Variants in GPHN observed in about 807,000 individuals in gnomAD.
GPHN encodes gephyrin.
Under a neutral mutation model 95.5 loss-of-function variants are expected in GPHN, and 17 were observed. The observed-to-expected ratio is 0.18, with a 90% CI of 0.12 to 0.27. GPHN has a LOEUF of 0.27. Ranked by LOEUF, GPHN falls within the 10% of genes least tolerant of loss-of-function variation. GPHN has a pLI of 1.00. For synonymous variants in GPHN, 320 were observed against 322.5 expected, an observed-to-expected ratio of 0.99 and a Z score of 0.08; for missense variants, 660 against 978.1, an observed-to-expected ratio of 0.67 and a Z score of 4.34.
At chr14:67,157,496 G>A (rs2081664889) in intron 18 of GPHN, among the ~76,000 whole-genome samples, 1 of 152,076 alleles carries the variant, frequency 6.6e-6, no homozygotes, top group South Asian at 2.1e-4. Flanking sequence ...AGTATTCAAG[G>A]CAGAAAAAAG....
chr14:67,554,355 G>T, the GPHN span, among the ~76,000 whole-genome samples: 1 of 152,340 alleles, frequency 6.6e-6, no homozygotes, highest in South Asian at 2.1e-4. Flanking sequence ...AAGGGAGAAG[G>T]TTGAGTAGCC....
intron 2 of GPHN, among the ~76,000 whole-genome samples, chr14:66,687,003 G>A (rs2067412494): frequency 6.6e-6 from 1 of 152,172 alleles, no homozygotes; most frequent in South Asian, 2.1e-4. Flanking sequence ...CATCTATTGA[G>A]ATGATCATGT....
At chr14:66,559,259 T>G (rs1027061350) in intron 1 of GPHN, among the ~76,000 whole-genome samples, 1 of 151,706 alleles carries the variant, frequency 6.6e-6, no homozygotes, top group African/African-American at 2.4e-5. Context: ...TACCCAGTAA[T>G]GGGATGGCTG....
the GPHN span, chr14:67,388,154 G>A: frequency 2.1e-6 from 2 of 947,982 alleles, no homozygotes; most frequent in South Asian, 1.3e-5. Context: ...CATTTCATTA[G>A]TGGGACATTA....
At chr14:67,687,390 C>T in the GPHN span, among the ~76,000 whole-genome samples, 13 of 149,248 alleles carry the variant, frequency 8.7e-5, no homozygotes, top group African/African-American at 2.4e-4. Context: ...TGGTAACCTT[C>T]GCTGTTTCTC....
intron 8 of GPHN, among the ~76,000 whole-genome samples, chr14:66,932,466 T>TTG (rs1567118622): frequency 7.4e-6 from 1 of 134,338 alleles, no homozygotes; most frequent in Non-Finnish European, 1.6e-5. Flanking sequence ...TTTTTTTTTT[T>TTG]TTTTTTTTTT....
the GPHN span, among the ~76,000 whole-genome samples, chr14:67,697,046 AT>A: frequency 2.6e-5 from 4 of 152,078 alleles, no homozygotes; most frequent in African/African-American, 9.7e-5. Context: ...AAAGCCTTTC[AT>A]TTGTTTTGTT....
At chr14:67,481,905 C>A in the GPHN span, among the ~76,000 whole-genome samples, 2 of 152,158 alleles carry the variant, frequency 1.3e-5, no homozygotes, top group Admixed American at 1.3e-4. Context: ...AGACCTGTGA[C>A]ATGAAGATAG....
intron 9 of GPHN, among the ~76,000 whole-genome samples, chr14:66,971,106 A>G (rs1232023156): frequency 2.0e-5 from 3 of 152,222 alleles, no homozygotes; most frequent in African/African-American, 7.2e-5. Context: ...AGGCAGGTGG[A>G]TCATCTGAGG....
At chr14:67,145,604 C>A (rs1040955559) in intron 18 of GPHN, among the ~76,000 whole-genome samples, 1 of 152,072 alleles carries the variant, frequency 6.6e-6, no homozygotes, top group South Asian at 2.1e-4. Context: ...GATAGAGGAA[C>A]CAGGAAGAAA....
chr14:67,166,730 C>T lies in GPHN; in HGVS notation c.1975+1504C>T, dbSNP rs2082301294. On this transcript the variant is annotated intron_variant, in intron 20 of 22. Transcript: ENST00000478722. ...TGTCGCCCAGGCTGGAGTGCAGCAGCGCGATCTCAGCTCACTGCAACCTCT... is the reference window on the plus strand; with the variant it reads ...TGTCGCCCAGGCTGGAGTGCAGCAGTGCGATCTCAGCTCACTGCAACCTCT... Among the ~76,000 whole-genome samples the T allele has an allele frequency of 3.3e-5, 5 of 152,144 alleles. No homozygotes were observed. In the South Asian group the frequency reaches 1.0e-3, roughly 31 times the overall value.
At chr14:67,644,017 C>T in the GPHN span, among the ~76,000 whole-genome samples, 1 of 152,040 alleles carries the variant, frequency 6.6e-6, no homozygotes, top group Non-Finnish European at 1.5e-5. Flanking sequence ...AGTCTGTCTG[C>T]TGTTCTGAGT....
At chr14:67,729,263 T>A in the GPHN span, 2 of 1,607,930 alleles carry the variant, frequency 1.2e-6, no homozygotes. Context: ...TCCTCCCTGC[T>A]CTGCCTGCTC....
At chr14:67,065,686 G>A (rs533747953) in intron 11 of GPHN, among the ~76,000 whole-genome samples, 1 of 151,486 alleles carries the variant, frequency 6.6e-6, no homozygotes, top group East Asian at 1.9e-4. Context: ...TTATATAATG[G>A]CCTTCTTTGT....
chr14:67,578,066 T>C, the GPHN span: 1 of 1,613,990 alleles, frequency 6.2e-7, no homozygotes, highest in Non-Finnish European at 8.5e-7. This position sits in a 1 kb window ranked among gnomAD's most constrained non-coding sequence, Gnocchi z 5.0. Context: ...GCTGCCTCGG[T>C]GGACTACCAT....
the GPHN span, among the ~76,000 whole-genome samples, chr14:67,540,513 C>T: frequency 6.6e-6 from 1 of 151,690 alleles, no homozygotes; most frequent in Non-Finnish European, 1.5e-5. Flanking sequence ...TGTAATCCAG[C>T]TTCTCAGGAG....
chr14:67,342,329 G>A, the GPHN span, among the ~76,000 whole-genome samples: 1 of 151,664 alleles, frequency 6.6e-6, no homozygotes, highest in Non-Finnish European at 1.5e-5. Context: ...TCTTTTCTAT[G>A]CATAGATAAC....
intron 5 of GPHN, among the ~76,000 whole-genome samples, chr14:66,905,880 G>T (rs900725138): frequency 6.6e-6 from 1 of 152,014 alleles, no homozygotes. Flanking sequence ...CTCCAGGTAC[G>T]TCCATGTTGC....
At chr14:67,140,384 A>T (rs984678141) in intron 17 of GPHN, among the ~76,000 whole-genome samples, 1 of 68,268 alleles carries the variant, frequency 1.5e-5, no homozygotes, top group East Asian at 6.5e-4. Context: ...GACTCCATCT[A>T]AAAAAAAAAA....
Sources: allele counts gnomAD v4.1 joint callset (sites outside exome capture counted in the v4.1 genomes callset), GRCh38; gene constraint gnomAD v4.1.1; non-coding constraint Gnocchi (gnomAD v3.1); transcripts MANE v1.5; gene names NCBI Gene and HGNC (gene_info 2026-07-23, HGNC 2026-07-21).